The following FGF12 variants were observed in gnomAD, a reference collection of about 807,000 sequenced individuals.
The protein encoded by FGF12 is fibroblast growth factor 12, also known as fibroblast growth factor 12B.
FGF12 carries 14 observed loss-of-function variants against 23.6 expected under a neutral mutation model. That is an observed-to-expected ratio of 0.59 (90% CI 0.39 to 0.93). FGF12 has a LOEUF of 0.93. Ranked by LOEUF, FGF12 falls within the 40% of genes least tolerant of loss-of-function variation. FGF12 has a pLI of 0.00. For synonymous variants in FGF12, 62 were observed against 77.3 expected (o/e 0.80, Z 1.04); for missense variants, 175 against 217.8 (o/e 0.80, Z 1.24).
chr3:192,562,559 T>TA (rs897400175), intron 2 of FGF12, among the ~76,000 whole-genome samples: 5 of 152,080 alleles, frequency 3.3e-5, no homozygotes, highest in East Asian at 1.9e-4. Context: ...TATTAATAAA[T>TA]AAAAAAATTA....
intron 2 of FGF12, among the ~76,000 whole-genome samples, chr3:192,596,140 A>AAC: frequency 1.4e-5 from 2 of 148,136 alleles, no homozygotes; most frequent in Non-Finnish European, 3.0e-5. Flanking sequence ...AATATAATAT[A>AAC]ATATACTCTT....
intron 2 of FGF12, among the ~76,000 whole-genome samples, chr3:192,663,801 T>A (rs373793854): frequency 2.9e-4 from 44 of 151,458 alleles, no homozygotes; most frequent in African/African-American, 1.0e-3. Context: ...AAAAAAAAAA[T>A]CTCCCAGCTT....
intron 2 of FGF12, among the ~76,000 whole-genome samples, chr3:192,369,063 G>A (rs1230734499): frequency 6.6e-6 from 1 of 152,146 alleles, no homozygotes; most frequent in Admixed American, 6.6e-5. Context: ...CTATTTTAGA[G>A]GTGCTTGTTT....
chr3:192,441,467 C>T (rs1722199137), intron 2 of FGF12, among the ~76,000 whole-genome samples: 1 of 152,166 alleles, frequency 6.6e-6, no homozygotes, highest in African/African-American at 2.4e-5. Flanking sequence ...CCCTGTAACG[C>T]CTCTCCCAGT....
rs1302240960 is a variant in FGF12, at chr3:192,536,803, C to T, written c.14-176265G>A. ...AGGCATTTATCCTTTCTTTTTGTTA[C>T]AAGTAATCCAATTATAGTTTTAGTT... On this transcript the variant is annotated intron_variant, in intron 2 of 5. Coordinates refer to ENST00000445105, the MANE Select transcript of FGF12 (RefSeq NM_004113.6). Among the ~76,000 whole-genome samples the T allele has an allele frequency of 2.6e-5, 4 of 151,982 alleles. No homozygotes were observed. The East Asian group carries it at 5.8e-4, about 22-fold the overall frequency.
At chr3:192,617,469 C>T (rs757228630) in intron 2 of FGF12, among the ~76,000 whole-genome samples, 13 of 152,032 alleles carry the variant, frequency 8.6e-5, no homozygotes, top group Non-Finnish European at 1.8e-4. Context: ...CTGTGCAGAA[C>T]CTTCTCCAAC....
intron 2 of FGF12, among the ~76,000 whole-genome samples, chr3:192,383,247 T>C (rs763468293): frequency 3.9e-5 from 6 of 152,216 alleles, no homozygotes; most frequent in Non-Finnish European, 8.8e-5. Flanking sequence ...TCTCTCCTTG[T>C]GAGCTTTATT....
At position 192,338,040 on chromosome 3, in the gene FGF12, G is replaced by C. The variant is rs114868512; in HGVS notation, c.125-2576C>G. Among the ~76,000 whole-genome samples, 553 of 152,280 alleles carry C rather than the reference G, an allele frequency of 3.6e-3. 2 individuals carry two copies. Among genetic ancestry groups the C allele is most frequent in the Middle Eastern group, 0.017 (5 of 294 alleles). On this transcript the variant is annotated intron_variant, in intron 3 of 5. Transcript: ENST00000445105. ...ATTTATAGAAGTACAAAAAGATTTA[G>C]AGTTAACCCAGGGGAAAATGCATCT...
At chr3:192,172,939 C>G (rs1715649987) in intron 4 of FGF12, among the ~76,000 whole-genome samples, 1 of 151,022 alleles carries the variant, frequency 6.6e-6, no homozygotes, top group Non-Finnish European at 1.5e-5. Context: ...CAGAATGCAA[C>G]TGTAATACCA....
intron 4 of FGF12, among the ~76,000 whole-genome samples, chr3:192,205,867 A>G (rs1009673471): frequency 6.6e-6 from 1 of 152,122 alleles, no homozygotes; most frequent in South Asian, 2.1e-4. Flanking sequence ...ACAGAAGAAG[A>G]CCTCTGGATT....
intron 2 of FGF12, among the ~76,000 whole-genome samples, chr3:192,385,714 CA>C (rs1720013532): frequency 6.6e-6 from 1 of 152,132 alleles, no homozygotes; most frequent in African/African-American, 2.4e-5. Context: ...ACCTTCAGGC[CA>C]GGGGCGAATA....
At chr3:192,604,525 A>G (rs189825011) in intron 2 of FGF12, among the ~76,000 whole-genome samples, 128 of 152,298 alleles carry the variant, frequency 8.4e-4, no homozygotes, top group Middle Eastern at 6.8e-3. Context: ...CTACAAGGAG[A>G]ACTACGAACT....
chr3:192,629,075 A>G (rs1715290453), intron 2 of FGF12, among the ~76,000 whole-genome samples: 1 of 152,226 alleles, frequency 6.6e-6, no homozygotes, highest in Non-Finnish European at 1.5e-5. Context: ...TTATATGAAT[A>G]TAAGATAAAA....
At chr3:192,318,924 G>A (rs1716383112) in intron 4 of FGF12, among the ~76,000 whole-genome samples, 1 of 152,084 alleles carries the variant, frequency 6.6e-6, no homozygotes, top group Non-Finnish European at 1.5e-5. Flanking sequence ...TACAGGCCAA[G>A]AGGAGTGAAT....
chr3:192,268,283 T>G (rs1179865818), intron 4 of FGF12, among the ~76,000 whole-genome samples: 1 of 152,162 alleles, frequency 6.6e-6, no homozygotes, highest in Non-Finnish European at 1.5e-5. Flanking sequence ...TTCAAGCATC[T>G]ACTCCATCTG....
intron 4 of FGF12, among the ~76,000 whole-genome samples, chr3:192,315,225 T>C (rs923769000): frequency 6.6e-6 from 1 of 152,186 alleles, no homozygotes; most frequent in Non-Finnish European, 1.5e-5. Flanking sequence ...ATTGTTCTTA[T>C]TTGACCCCAT....
In FGF12 at chr3:192,714,922, T is replaced by C. The variant is rs569815914; in HGVS notation, c.13+12259A>G. On this transcript the variant is annotated intron_variant, in intron 2 of 5. Transcript: ENST00000445105. ...GTTTCAACGCTAGAATTTTAGAGAG[T>C]TGAGAGCCAAAAGTGAACAGAAATG... is the stretch of plus-strand genomic sequence containing the variant. Among the ~76,000 whole-genome samples, 26 of 152,192 alleles carry C rather than the reference T, an allele frequency of 1.7e-4. 1 individual carries two copies. In the South Asian group the frequency reaches 5.4e-3, roughly 32 times the overall value.
chr3:192,349,524 C>T (rs1718112478), intron 3 of FGF12, among the ~76,000 whole-genome samples: 1 of 151,964 alleles, frequency 6.6e-6, no homozygotes. Context: ...AGCAATGACT[C>T]TCTCTCTTAT....
At chr3:192,654,973 TC>T (rs1716348284) in intron 2 of FGF12, among the ~76,000 whole-genome samples, 1 of 152,156 alleles carries the variant, frequency 6.6e-6, no homozygotes, top group Non-Finnish European at 1.5e-5. Context: ...TCCCCCTCAT[TC>T]CTTGGAGCAA....
Sources: gnomAD v4.1 joint callset for allele counts (sites outside exome capture counted in the v4.1 genomes callset) on GRCh38, gnomAD v4.1.1 for gene constraint, MANE v1.5 for transcripts, NCBI Gene and HGNC (gene_info 2026-07-23, HGNC 2026-07-21) for gene names.